BCAS3: variants seen among roughly 807,000 people sequenced by gnomAD.
BCAS3 encodes BCAS4/BCAS3 fusion.
BCAS3 carries 53 observed loss-of-function variants against 116.1 expected under a neutral mutation model. The ratio of observed to expected loss-of-function variants is 0.46; its 90% CI spans 0.37 to 0.57. The LOEUF (loss-of-function observed/expected upper bound fraction) is 0.57. Ranked by LOEUF, BCAS3 falls within the 20% of genes least tolerant of loss-of-function variation. The pLI, the probability that BCAS3 is intolerant of heterozygous loss-of-function variation, is 0.00. For missense variants in BCAS3, 917 were observed against 1,165.4 expected (o/e 0.79, Z 3.10); for synonymous variants, 391 against 408.2 (o/e 0.96, Z 0.51).
At chr17:61,042,022 G>A (rs867064366) in intron 19 of BCAS3, among the ~76,000 whole-genome samples, 1 of 152,056 alleles carries the variant, frequency 6.6e-6, no homozygotes, top group South Asian at 2.1e-4. Flanking sequence ...AAATTGAACT[G>A]TGAGAGCAGT....
chr17:61,117,834 A>G (rs1054052589), intron 22 of BCAS3, among the ~76,000 whole-genome samples: 1 of 152,136 alleles, frequency 6.6e-6, no homozygotes, highest in Admixed American at 6.6e-5. Context: ...TATATTTGCT[A>G]TAACTGATGA....
chr17:60,840,214 A>G (rs1052407814), intron 7 of BCAS3, among the ~76,000 whole-genome samples: 5 of 152,178 alleles, frequency 3.3e-5, no homozygotes, highest in African/African-American at 9.6e-5. Context: ...GAGTTTTGGA[A>G]TTGAATTTAA....
chr17:61,319,410 G>C (rs2055009965), intron 22 of BCAS3, among the ~76,000 whole-genome samples: 1 of 152,196 alleles, frequency 6.6e-6, no homozygotes, highest in African/African-American at 2.4e-5. Context: ...ATTCTGCTGG[G>C]ATTAGTATGA....
chr17:61,209,327 T>C (rs1390809968), intron 22 of BCAS3, among the ~76,000 whole-genome samples: 1 of 152,162 alleles, frequency 6.6e-6, no homozygotes, highest in Admixed American at 6.5e-5. Context: ...CTGAAAATCG[T>C]GATTGTCTTG....
rs1359070776 is a variant in BCAS3 at position 61,180,976 on chromosome 17, G to A, written c.2425+96412G>A. ...CTCACACCTGTAATCTTAGCACTTT[G>A]GGAGGCTGGGGTGGGGGGATCACTT... is the stretch of plus-strand genomic sequence containing the variant. On this transcript the variant is annotated intron_variant, in intron 22 of 23. Transcript: ENST00000407086. This position sits in a 1 kb window ranked among gnomAD's most constrained non-coding sequence, Gnocchi z 6.0. Among the ~76,000 whole-genome samples, 2 of 152,088 alleles carry A rather than the reference G, an allele frequency of 1.3e-5. No individual in the cohort carries two copies. Among genetic ancestry groups the A allele is most frequent in the Non-Finnish European group, 2.9e-5 (2 of 67,998 alleles).
At chr17:61,280,863 C>T (rs11656131) in intron 22 of BCAS3, among the ~76,000 whole-genome samples, 1 of 152,038 alleles carries the variant, frequency 6.6e-6, no homozygotes, top group Non-Finnish European at 1.5e-5. Flanking sequence ...ATGTCTCGAC[C>T]CTTAACAGGT....
chr17:60,797,615 T>C (rs2047330587), intron 6 of BCAS3, among the ~76,000 whole-genome samples: 1 of 152,102 alleles, frequency 6.6e-6, no homozygotes, highest in Admixed American at 6.6e-5. Context: ...ACACATGCTA[T>C]GGTGGTTTGC....
intron 22 of BCAS3, among the ~76,000 whole-genome samples, chr17:61,270,112 ATTTTTTTTTTTT>A (rs1202865412): frequency 2.9e-5 from 2 of 68,840 alleles, no homozygotes; most frequent in East Asian, 7.9e-4. Context: ...GCCTTCTGCC[ATTTTTTTTTTTT>A]TTTTTTTTTT....
chr17:60,693,745 A>G (rs900409585), intron 4 of BCAS3, among the ~76,000 whole-genome samples: 6 of 151,484 alleles, frequency 4.0e-5, no homozygotes, highest in African/African-American at 1.5e-4. Flanking sequence ...CTAGTACTAT[A>G]TTTGAGTGTT....
At chr17:60,750,848 C>T (rs1398668971) in intron 6 of BCAS3, among the ~76,000 whole-genome samples, 1 of 152,216 alleles carries the variant, frequency 6.6e-6, no homozygotes, top group Non-Finnish European at 1.5e-5. Context: ...TCTAACCCTT[C>T]TTGTTCCTTA....
chr17:61,135,137 G>A (rs1202710526), intron 22 of BCAS3, among the ~76,000 whole-genome samples: 1 of 152,104 alleles, frequency 6.6e-6, no homozygotes, highest in Non-Finnish European at 1.5e-5. Flanking sequence ...ACATGATAAG[G>A]CCATTAGTAT....
At chr17:60,984,473 C>G (rs577274625) in intron 14 of BCAS3, among the ~76,000 whole-genome samples, 2 of 151,886 alleles carry the variant, frequency 1.3e-5, no homozygotes, top group Non-Finnish European at 2.9e-5. Context: ...TGTATATATA[C>G]AGCTTTTTTT....
At chr17:61,172,805 G>A (rs1262771676) in intron 22 of BCAS3, among the ~76,000 whole-genome samples, 1 of 151,276 alleles carries the variant, frequency 6.6e-6, no homozygotes, top group Non-Finnish European at 1.5e-5. Context: ...CTAACACGGT[G>A]AAACCCATCT....
At chr17:60,833,283 A>T (rs1176839882) in intron 7 of BCAS3, among the ~76,000 whole-genome samples, 1 of 152,206 alleles carries the variant, frequency 6.6e-6, no homozygotes, top group African/African-American at 2.4e-5. Context: ...CTTTTAGATA[A>T]TTCTTGAAAA....
rs768421 is a variant in BCAS3, at chr17:61,381,768, G to A, written c.2594-10209G>A. 7.2e-3 allele frequency among the ~76,000 whole-genome samples: 1,096 copies of A among 152,330 alleles called. 16 individuals are homozygous for A. The highest frequency in any genetic ancestry group is 0.025 in the African/African-American group (1,032 of 41,560). ...GCATTCTTCAGCACGCAGATGCCATGTGTGCCTGTATGTGGTTCTGGTTCT... is the reference window on the plus strand; with the variant it reads ...GCATTCTTCAGCACGCAGATGCCATATGTGCCTGTATGTGGTTCTGGTTCT... On this transcript the variant is annotated intron_variant, in intron 23 of 23. Coordinates refer to ENST00000407086, the MANE Select transcript of BCAS3 (RefSeq NM_017679.5). The surrounding 1 kb of genome is among the most constrained non-coding windows in gnomAD (Gnocchi z 6.0).
rs1405871000 is a variant in BCAS3 at position 61,128,302 on chromosome 17, C to T, written c.2425+43738C>T. ...TCAGATTTCATCTACGGCTGAGATG[C>T]AGAGGAGAGACTTAGTGAAATATGC... is the stretch of plus-strand genomic sequence containing the variant. On this transcript the variant is annotated intron_variant, in intron 22 of 23. Transcript: ENST00000407086. This position sits in a 1 kb window ranked among gnomAD's most constrained non-coding sequence, Gnocchi z 4.1. 1 of 985,276 alleles carries T rather than the reference C, an allele frequency of 1.0e-6. No individual in the cohort carries two copies. Among genetic ancestry groups the T allele is most frequent in the Non-Finnish European group, 1.2e-6 (1 of 829,930 alleles). 61.0% of individuals were successfully genotyped at this position (985,276 alleles called of 1,614,324 possible).
chr17:61,230,096 G>C (rs1279511917), intron 22 of BCAS3, among the ~76,000 whole-genome samples: 1 of 151,976 alleles, frequency 6.6e-6, no homozygotes, highest in African/African-American at 2.4e-5. Flanking sequence ...CTGCACTCCA[G>C]CCTGGGTGAC....
At chr17:60,950,026 A>G (rs1435623857) in intron 14 of BCAS3, among the ~76,000 whole-genome samples, 3 of 152,210 alleles carry the variant, frequency 2.0e-5, no homozygotes, top group African/African-American at 7.2e-5. Context: ...CTAAGTACAA[A>G]GCGTGGACCT....
At chr17:61,351,946 G>A (rs1428667800) in intron 22 of BCAS3, among the ~76,000 whole-genome samples, 1 of 152,224 alleles carries the variant, frequency 6.6e-6, no homozygotes, top group Non-Finnish European at 1.5e-5. Flanking sequence ...CCTTTAGAGG[G>A]AGGCCTGGAA....
Sources: allele counts gnomAD v4.1 joint callset (sites outside exome capture counted in the v4.1 genomes callset), GRCh38; gene constraint gnomAD v4.1.1; non-coding constraint Gnocchi (gnomAD v3.1); transcripts MANE v1.5; gene names NCBI Gene and HGNC (gene_info 2026-07-23, HGNC 2026-07-21).